MATN2: variants seen among roughly 807,000 people sequenced by gnomAD.
The protein encoded by MATN2 is matrilin 2, also known as matrilin-2.
A neutral mutation model predicts 103.2 loss-of-function variants in MATN2; 69 were observed. The observed-to-expected ratio is 0.67, with a 90% CI of 0.55 to 0.82. MATN2 has a LOEUF of 0.82. Ranked by LOEUF, MATN2 falls within the 40% of genes least tolerant of loss-of-function variation. The pLI, the probability that MATN2 is intolerant of heterozygous loss-of-function variation, is 0.00. For synonymous variants in MATN2, 429 were observed against 450.2 expected (o/e 0.95, Z 0.60); for missense variants, 1,023 against 1,211.5 (o/e 0.84, Z 2.31).
chr8:97,960,284 C>A (rs898811419), intron 4 of MATN2, among the ~76,000 whole-genome samples: 1 of 152,156 alleles, frequency 6.6e-6, no homozygotes, highest in Non-Finnish European at 1.5e-5. Context: ...AGAGAAAATT[C>A]TCTTTAATAT....
chr8:97,994,443 T>A, intron 6 of MATN2, 37 bp from the exon 7 acceptor site: 1 of 1,587,018 alleles, frequency 6.3e-7, no homozygotes, highest in Non-Finnish European at 8.6e-7. Context: ...GCTTTATTGA[T>A]TGGTTTGCCA....
chr8:97,917,546 C>A (rs1260707313), intron 2 of MATN2, among the ~76,000 whole-genome samples: 1 of 152,134 alleles, frequency 6.6e-6, no homozygotes, highest in Non-Finnish European at 1.5e-5. Context: ...ATATACAGAG[C>A]AGGGATAAGA....
intron 12 of MATN2, among the ~76,000 whole-genome samples, chr8:98,019,428 T>C (rs988703021): frequency 6.6e-6 from 1 of 152,184 alleles, no homozygotes; most frequent in Non-Finnish European, 1.5e-5. Context: ...CTTTTTCTCT[T>C]TAGGCCTTCA....
At chr8:97,928,784 C>T (rs1352142915) in intron 2 of MATN2, among the ~76,000 whole-genome samples, 2 of 152,226 alleles carry the variant, frequency 1.3e-5, no homozygotes, top group Non-Finnish European at 2.9e-5. Flanking sequence ...TACATCATTT[C>T]CTTAAATTCT....
intron 13 of MATN2, among the ~76,000 whole-genome samples, chr8:98,026,432 CT>C (rs1205732943): frequency 6.6e-6 from 1 of 151,722 alleles, no homozygotes; most frequent in African/African-American, 2.4e-5. Flanking sequence ...GCTAATTTTT[CT>C]TTTTTTAAGA....
At chr8:97,973,530 G>C (rs1811726871) in intron 5 of MATN2, among the ~76,000 whole-genome samples, 1 of 150,022 alleles carries the variant, frequency 6.7e-6, no homozygotes, top group African/African-American at 2.4e-5. Flanking sequence ...TTTAAAAAAT[G>C]CTAATTTTAA....
At chr8:98,032,187 A>G in intron 15 of MATN2, 59 bp from the exon 16 acceptor site, 1 of 1,406,086 alleles carries the variant, frequency 7.1e-7, no homozygotes, top group Non-Finnish European at 9.9e-7. Flanking sequence ...AGCTTCCTGA[A>G]GAACACACAC....
At chr8:97,878,851 C>CA (rs200870362) in intron 1 of MATN2, among the ~76,000 whole-genome samples, 1,730 of 145,788 alleles carry the variant, frequency 0.012, 37 homozygotes, top group African/African-American at 0.041. Context: ...AACTCCATCT[C>CA]AAAAAAAAAA....
chr8:97,878,566 A>T (rs149880689), intron 1 of MATN2, among the ~76,000 whole-genome samples: 7 of 151,866 alleles, frequency 4.6e-5, no homozygotes, highest in Non-Finnish European at 7.4e-5. Context: ...AAAGAAGAAG[A>T]AGTCCAGGCA....
intron 4 of MATN2, among the ~76,000 whole-genome samples, chr8:97,957,198 G>T (rs944629951): frequency 1.3e-5 from 2 of 152,200 alleles, no homozygotes; most frequent in Admixed American, 6.5e-5. Flanking sequence ...CATTCATGGG[G>T]GTCACCAGGT....
chr8:97,918,596 C>T (rs779022730), intron 2 of MATN2, among the ~76,000 whole-genome samples: 1 of 152,184 alleles, frequency 6.6e-6, no homozygotes, highest in Admixed American at 6.5e-5. Flanking sequence ...GGGGCCTGAG[C>T]GATGCCTCCC....
chr8:97,987,451 AG>A (rs1337135222), intron 6 of MATN2, among the ~76,000 whole-genome samples: 3 of 152,166 alleles, frequency 2.0e-5, no homozygotes, highest in Non-Finnish European at 2.9e-5. Flanking sequence ...TAAAAGTTGA[AG>A]GAAAAAAAAG....
rs72677099 is a variant in MATN2, at chr8:97,982,126, G to A, written c.1081+3118G>A. 0.037 allele frequency among the ~76,000 whole-genome samples: 5,619 copies of A among 152,336 alleles called. 141 individuals carry two copies. Among genetic ancestry groups the A allele is most frequent in the Non-Finnish European group, 0.058 (3,965 of 68,030 alleles). ...CTTAGAAGAGCCCTCTTCCCACCAT[G>A]CTTGGGGTGGGCAGGAGCCAGACCC... On this transcript the variant is annotated intron_variant, in intron 6 of 18. Transcript: ENST00000254898. This position sits in a 1 kb window ranked among gnomAD's most constrained non-coding sequence, Gnocchi z 4.3.
At chr8:97,874,243 G>A (rs1238591266) in intron 1 of MATN2, among the ~76,000 whole-genome samples, 1 of 152,124 alleles carries the variant, frequency 6.6e-6, no homozygotes, top group Non-Finnish European at 1.5e-5. Flanking sequence ...TAAAAATCCA[G>A]GTGTCAGCAG....
At chr8:97,959,121 G>C (rs554271368) in intron 4 of MATN2, among the ~76,000 whole-genome samples, 1 of 152,064 alleles carries the variant, frequency 6.6e-6, no homozygotes, top group Admixed American at 6.6e-5. Flanking sequence ...GTCCTACCTC[G>C]CATGTTAGTT....
At chr8:97,922,380 G>A (rs1252075623) in intron 2 of MATN2, among the ~76,000 whole-genome samples, 1 of 152,188 alleles carries the variant, frequency 6.6e-6, no homozygotes, top group Non-Finnish European at 1.5e-5. Flanking sequence ...CCTTCACATA[G>A]CCAGCCTTGT....
intron 6 of MATN2, among the ~76,000 whole-genome samples, chr8:97,988,152 C>CAAAAAAAAAAAAAAAAA (rs869146483): frequency 4.6e-5 from 3 of 65,868 alleles, no homozygotes; most frequent in African/African-American, 2.4e-4. Flanking sequence ...CCATCTCCAC[C>CAAAAAAAAAAAAAAAAA]AAAAAAAAAA....
At chr8:97,918,745 A>G (rs1426301596) in intron 2 of MATN2, among the ~76,000 whole-genome samples, 1 of 152,180 alleles carries the variant, frequency 6.6e-6, no homozygotes, top group East Asian at 1.9e-4. Flanking sequence ...GGAGGGTAAC[A>G]GGGCTCTTCA....
In MATN2 at chr8:97,931,236, T is replaced by G. The variant is rs1810179068; in HGVS notation, c.426T>G (p.Tyr142Ter). 6.2e-7 allele frequency: 1 copy of G among 1,613,812 alleles called. No individual in the cohort carries two copies. Among genetic ancestry groups the G allele is most frequent in the Non-Finnish European group, 8.5e-7 (1 of 1,179,864 alleles). ...CCATGACTGGGCTGGCCATCCAGTA[T>G]GCCCTGAACATCGCATTCTCAGAAG... ...TGTMTGLAIQ[Y>*]ALNIAFSEAE... The change falls in exon 3 of 19, where the codon TAT becomes TAG. Residue 142 changes from tyrosine to a stop codon, truncating the protein, a stop_gained. Coordinates refer to ENST00000254898, the MANE Select transcript of MATN2 (RefSeq NM_002380.5). LOFTEE classifies it high-confidence loss of function. The surrounding 1 kb of genome is among the most constrained non-coding windows in gnomAD (Gnocchi z 4.1).
Sources: allele counts gnomAD v4.1 joint callset (sites outside exome capture counted in the v4.1 genomes callset), GRCh38; gene constraint gnomAD v4.1.1; non-coding constraint Gnocchi (gnomAD v3.1); transcripts MANE v1.5; gene names NCBI Gene and HGNC (gene_info 2026-07-23, HGNC 2026-07-21).